PSMD13: variants seen among roughly 807,000 people sequenced by gnomAD.
PSMD13 encodes the protein proteasome 26S subunit, non-ATPase 13, also known as 26S proteasome non-ATPase regulatory subunit 13.
PSMD13 carries 8 observed loss-of-function variants against 57.4 expected under a neutral mutation model. The ratio of observed to expected loss-of-function variants is 0.14; its 90% CI spans 0.08 to 0.25. PSMD13 has a LOEUF of 0.25. Among genes scored for constraint, PSMD13 ranks in the 10% least tolerant of loss-of-function variants. The pLI is 1.00. For synonymous variants in PSMD13, 193 were observed against 168.2 expected (o/e 1.15, Z -1.14); for missense variants, 400 against 461.5 (o/e 0.87, Z 1.22).
At chr11:250,526 C>T (rs762351495) in intron 9 of PSMD13, among the ~76,000 whole-genome samples, 1 of 152,212 alleles carries the variant, frequency 6.6e-6, no homozygotes, top group African/African-American at 2.4e-5. Context: ...GTGGCCCTGC[C>T]TAATGGTGTC....
At chr11:250,762 C>A (rs1277283382) in intron 9 of PSMD13, 41 bp from the exon 10 acceptor site, 3 of 1,590,616 alleles carry the variant, frequency 1.9e-6, no homozygotes, top group Non-Finnish European at 2.6e-6. Context: ...CTGATAAGCA[C>A]AAACATGGAA....
At chr11:243,100 GT>G in intron 2 of PSMD13, 1 of 556,750 alleles carries the variant, frequency 1.8e-6, no homozygotes, top group Admixed American at 2.3e-5. Flanking sequence ...GGATGGTTAC[GT>G]CTTTTTCTTT....
intron 6 of PSMD13, among the ~76,000 whole-genome samples, chr11:246,862 C>A (rs949836480): frequency 2.0e-5 from 3 of 152,112 alleles, no homozygotes; most frequent in African/African-American, 7.2e-5. Context: ...ATGTCTTTTG[C>A]CCATTTTTCT....
Position 244,184 on chromosome 11 carries a change from A to G in PSMD13, c.233A>G (p.Glu78Gly). ...AGGGTGAACCCTTTGTCCCTCGTGG[A>G]AATCATTCTTCATGTAGTTAGACAG... ...EHRVNPLSLV[E>G]IILHVVRQMT... is the part of the protein sequence containing the mutation. The change falls in exon 4 of 13, where the codon GAA (glutamate) becomes GGA (glycine). Residue 78 changes from glutamate to glycine, a missense_variant. Coordinates refer to ENST00000532097, the MANE Select transcript of PSMD13 (RefSeq NM_002817.4). 6.2e-7 allele frequency: 1 copy of G among 1,610,648 alleles called. No homozygotes were observed. Among genetic ancestry groups the G allele is most frequent in the Non-Finnish European group, 8.5e-7 (1 of 1,177,444 alleles).
chr11:246,586 G>A (rs1295605706), intron 6 of PSMD13, among the ~76,000 whole-genome samples: 1 of 152,150 alleles, frequency 6.6e-6, no homozygotes, highest in Non-Finnish European at 1.5e-5. Flanking sequence ...CCTTGTGTGT[G>A]GGCAGAATCT....
In PSMD13 at chr11:247,258, T is replaced by C; in HGVS notation, c.397-19T>C. On this transcript the variant is annotated intron_variant, in intron 6 of 12. Transcript: ENST00000532097. ...ACTTTTAACTTAAAAAGAGAGATGA[T>C]TTTCCTTCCTGTGTATAGGAAACAA... 1 of 1,587,134 alleles carries C rather than the reference T, an allele frequency of 6.3e-7. No homozygotes were observed. The highest frequency in any genetic ancestry group is 8.6e-7 in the Non-Finnish European group (1 of 1,168,898).
chr11:249,355 G>A (rs1052957718), intron 9 of PSMD13, among the ~76,000 whole-genome samples: 3 of 152,024 alleles, frequency 2.0e-5, no homozygotes, highest in Admixed American at 2.0e-4. Context: ...AGTGACCTAA[G>A]GTCTGTGTGA....
chr11:250,024 A>G (rs898173567), intron 9 of PSMD13, among the ~76,000 whole-genome samples: 3 of 150,762 alleles, frequency 2.0e-5, no homozygotes, highest in African/African-American at 7.4e-5. Context: ...ATGGCTAGTT[A>G]TAGCAATTTA....
intron 6 of PSMD13, among the ~76,000 whole-genome samples, chr11:246,045 C>T (rs1859641404): frequency 6.6e-6 from 1 of 152,140 alleles, no homozygotes; most frequent in Non-Finnish European, 1.5e-5. Context: ...CATGCCCATG[C>T]ATTTCCTTGT....
intron 2 of PSMD13, among the ~76,000 whole-genome samples, chr11:241,992 G>C (rs1590247069): frequency 6.6e-6 from 1 of 151,932 alleles, no homozygotes; most frequent in Non-Finnish European, 1.5e-5. Context: ...TTACTGTCTG[G>C]AATGTTCTTC....
intron 2 of PSMD13, chr11:243,083 T>G: frequency 2.1e-6 from 1 of 478,502 alleles, no homozygotes; most frequent in Non-Finnish European, 4.2e-6. Flanking sequence ...CGTGAGCCAC[T>G]GCGCCCGGAT....
chr11:252,391 T>C lies in PSMD13; in HGVS notation c.1036-114T>C, dbSNP rs1859781581. On this transcript the variant is annotated intron_variant, in intron 12 of 12. Transcript: ENST00000532097. This position sits in a 1 kb window ranked among gnomAD's most constrained non-coding sequence, Gnocchi z 4.1. The stretch of plus-strand genomic sequence containing the variant: ...GCTCAGAGGTCCTTTTTACTAGAGC[T>C]GCCCTAGAGAGTTAGCTGGAGATGT... 1.1e-6 allele frequency: 1 copy of C among 924,180 alleles called. No individual in the cohort carries two copies. The highest frequency in any genetic ancestry group is 1.7e-6 in the Non-Finnish European group (1 of 575,798). 57.2% of individuals were successfully genotyped at this position (924,180 alleles called of 1,614,324 possible). A position where few individuals can be genotyped will look rare whatever the true frequency, so the allele number is the denominator to read the frequency against.
In PSMD13 at chr11:249,019, G is replaced by A; in HGVS notation, c.736G>A (p.Glu246Lys). 2 of 1,613,818 alleles carry A rather than the reference G, an allele frequency of 1.2e-6. No homozygotes were observed. Among genetic ancestry groups the A allele is most frequent in the Non-Finnish European group, 1.7e-6 (2 of 1,180,030 alleles). ...TLYAFNSGNV[E>K]RFQTLKTAWG... ...CTATGCCTTCAACAGTGGCAACGTA[G>A]AGCGGTTCCAGACTCTGAAGACTGC... Residue 246 changes from glutamate to lysine, a missense_variant, in exon 9 of 13, where the codon GAG becomes AAG. Coordinates refer to ENST00000532097, the MANE Select transcript of PSMD13 (RefSeq NM_002817.4).
At chr11:247,583 G>A (rs1590252098) in intron 7 of PSMD13, 135 bp downstream of exon 7, 1 of 992,772 alleles carries the variant, frequency 1.0e-6, no homozygotes, top group East Asian at 2.7e-5. Flanking sequence ...TGTAATCCCA[G>A]CACTTTGGAA....
chr11:238,748 A>G (rs1398149613), intron 1 of PSMD13, among the ~76,000 whole-genome samples: 2 of 152,204 alleles, frequency 1.3e-5, no homozygotes, highest in Non-Finnish European at 2.9e-5. Flanking sequence ...AATATTTGCG[A>G]TATATACTTA....
In PSMD13 at chr11:237,167, C is replaced by T. The variant is rs201498811; in HGVS notation, c.95+23C>T. The T allele has an allele frequency of 2.5e-3, 3,977 of 1,596,386 alleles. 7 individuals are homozygous for T. The highest frequency in any genetic ancestry group is 3.1e-3 in the Non-Finnish European group (3,635 of 1,168,906). ...GAAGTGAGCGCCGAGCAGACGGGCCCTGGGCCCCGGCGATAGAGGGAGACG... is the reference window on the plus strand; with the variant it reads ...GAAGTGAGCGCCGAGCAGACGGGCCTTGGGCCCCGGCGATAGAGGGAGACG... On this transcript the variant is annotated intron_variant, in intron 1 of 12. Coordinates refer to ENST00000532097, the MANE Select transcript of PSMD13 (RefSeq NM_002817.4).
chr11:248,916 A>G lies in PSMD13; in HGVS notation c.649-16A>G, dbSNP rs369109214. ...GAGACTAAAGTGTTACTAGCTGACC[A>G]TCTCCATCCTCACAGCTCATGCACC... On this transcript the variant is annotated splice_polypyrimidine_tract_variant and intron_variant, in intron 8 of 12. Transcript: ENST00000532097. 3.1e-6 allele frequency: 5 copies of G among 1,614,044 alleles called. No individual in the cohort carries two copies. The highest frequency in any genetic ancestry group is 2.2e-5 in the South Asian group (2 of 91,088).
chr11:240,429 C>T (rs543537383), intron 2 of PSMD13, among the ~76,000 whole-genome samples: 6 of 152,258 alleles, frequency 3.9e-5, no homozygotes, highest in African/African-American at 1.4e-4. Flanking sequence ...TGTCTTAATA[C>T]TTGTTCCCTA....
chr11:244,546 C>G (rs1296033187), intron 5 of PSMD13, 77 bp downstream of exon 5: 1 of 1,524,754 alleles, frequency 6.6e-7, no homozygotes, highest in East Asian at 2.3e-5. Flanking sequence ...TTCATGCTCA[C>G]TGTCCAGACC....
Sources: gnomAD v4.1 joint callset for allele counts (sites outside exome capture counted in the v4.1 genomes callset) on GRCh38, gnomAD v4.1.1 for gene constraint, Gnocchi (gnomAD v3.1) non-coding constraint, MANE v1.5 for transcripts, NCBI Gene and HGNC (gene_info 2026-07-23, HGNC 2026-07-21) for gene names.